ZNF730: variants seen among roughly 807,000 people sequenced by gnomAD.
ZNF730 encodes the protein zinc finger protein 730, also known as putative zinc finger protein 730.
In ZNF730, 12 loss-of-function variants were observed where a neutral mutation model predicts 12.6. That is an observed-to-expected ratio of 0.95 (90% CI 0.61 to 1.54). The LOEUF (loss-of-function observed/expected upper bound fraction) is 1.54, where lower values mean the gene tolerates loss of function less well. ZNF730 is among the 40% of genes most tolerant of loss of function. ZNF730 has a pLI of 0.00. For synonymous variants in ZNF730, 194 were observed against 195.8 expected, an observed-to-expected ratio of 0.99 and a Z score of 0.08; for missense variants, 643 against 583.5, an observed-to-expected ratio of 1.10 and a Z score of -1.05.
chr19:23,093,684 C>T (rs1970196311), intron 1 of ZNF730, among the ~76,000 whole-genome samples: 1 of 152,172 alleles, frequency 6.6e-6, no homozygotes, highest in African/African-American at 2.4e-5. Flanking sequence ...CCAGAGGTAG[C>T]CGTCTTGGTC....
chr19:23,091,832 T>C (rs1261626971), intron 1 of ZNF730, among the ~76,000 whole-genome samples: 1 of 152,200 alleles, frequency 6.6e-6, no homozygotes, highest in African/African-American at 2.4e-5. Flanking sequence ...GATGAGACTT[T>C]GGACTGTGGA....
chr19:23,124,901 A>G (rs1970643024), intron 1 of ZNF730, among the ~76,000 whole-genome samples: 1 of 152,170 alleles, frequency 6.6e-6, no homozygotes. Context: ...TGGCTATGTC[A>G]CCACCCAAAT....
chr19:23,119,283 G>A (rs776282940), intron 1 of ZNF730, among the ~76,000 whole-genome samples: 38 of 152,244 alleles, frequency 2.5e-4, no homozygotes, highest in South Asian at 1.2e-3. Flanking sequence ...TTTCTGTATC[G>A]AAATAATTTT....
rs538633359 is a variant in ZNF730, at chr19:23,135,978, C to T, written c.161C>T (p.Thr54Ile). 4 of 1,609,610 alleles carry T rather than the reference C, an allele frequency of 2.5e-6. No individual in the cohort carries two copies. In the South Asian group the frequency reaches 4.4e-5, roughly 18 times the overall value. The change falls in exon 3 of 4, where the codon ACC (threonine) becomes ATC (isoleucine). Residue 54 changes from threonine (T) to isoleucine (I), a missense_variant. Physicochemically the swap from Thr to Ile is moderately conservative, Grantham distance 89. Transcript: ENST00000597761. ...GIAVSKPDLI[T>I]CLEQEKEPWN... Reference sequence around the variant, plus strand: ...GCTGTCTCAAAGCCAGACCTGATCACCTGTCTGGAGCAAGAAAAAGAGCCT... The same window carrying T: ...GCTGTCTCAAAGCCAGACCTGATCATCTGTCTGGAGCAAGAAAAAGAGCCT...
Position 23,145,389 on chromosome 19 carries a change from AG to A in ZNF730, c.347del (p.Gly116AlafsTer22), listed in dbSNP as rs759759773. 6 of 1,590,768 alleles carry A rather than the reference AG, an allele frequency of 3.8e-6. No homozygotes were observed. The Admixed American group carries it at 1.1e-4, about 28-fold the overall frequency. On this transcript the variant is annotated frameshift_variant, in exon 4 of 4. Transcript: ENST00000597761. LOFTEE classifies it low-confidence loss of function (END_TRUNC). Reference sequence around the variant, plus strand: ...GACATGAGAATTTACTGTTAAGAAAAGGCTGTAAAAATGTGGATGAGTTTAA... The same window carrying A: ...GACATGAGAATTTACTGTTAAGAAAAGCTGTAAAAATGTGGATGAGTTTAA... ...CRHENLLLRKGCKNVDEFKMH... is the reference protein window; with the variant it reads ...CRHENLLLRKXCKNVDEFKMH...
At chr19:23,123,965 T>TA (rs997508859) in intron 1 of ZNF730, 4 of 152,126 alleles carry the variant, frequency 2.6e-5, no homozygotes, top group Non-Finnish European at 4.4e-5. Flanking sequence ...CTTTTTTTTT[T>TA]ATGTCACCCT....
rs774659037 is a variant in ZNF730 at position 23,145,441 on chromosome 19, C to T, written c.397C>T (p.His133Tyr). The change falls in exon 4 of 4, where the codon CAT (histidine) becomes TAT (tyrosine). Residue 133 changes from histidine (H) to tyrosine (Y), a missense_variant. Physicochemically the swap from His to Tyr is moderately conservative, Grantham distance 83. Coordinates refer to ENST00000597761, the MANE Select transcript of ZNF730 (RefSeq NM_001277403.2). ...GATGCACAAAAAAGGTTATAATAGA[C>T]ATAACCAGTGTTTGACAACTTCCCA... Reference protein sequence around the residue: ...FKMHKKGYNRHNQCLTTSHSK... With the variant: ...FKMHKKGYNRYNQCLTTSHSK... 22 of 1,577,556 alleles carry T rather than the reference C, an allele frequency of 1.4e-5. No individual in the cohort carries two copies. Among genetic ancestry groups the T allele is most frequent in the African/African-American group, 2.7e-5 (2 of 73,620 alleles).
intron 1 of ZNF730, among the ~76,000 whole-genome samples, chr19:23,131,104 T>C (rs1970738071): frequency 6.6e-6 from 1 of 152,204 alleles, no homozygotes; most frequent in African/African-American, 2.4e-5. Context: ...GCAACTTGTT[T>C]TCCATTCCTG....
chr19:23,134,579 C>T (rs1436884491), intron 2 of ZNF730, among the ~76,000 whole-genome samples: 3 of 114,316 alleles, frequency 2.6e-5, no homozygotes, highest in Admixed American at 8.8e-5. Context: ...CCTGGCCAGC[C>T]GCCCCGTCCT....
At chr19:23,105,186 CG>C (rs2145552944) in intron 1 of ZNF730, among the ~76,000 whole-genome samples, 1 of 150,218 alleles carries the variant, frequency 6.7e-6, no homozygotes, top group South Asian at 2.1e-4. Context: ...GGCACAATCT[CG>C]GCTCACTGCA....
Position 23,142,511 on chromosome 19 carries a change from A to G in ZNF730, c.227-2760A>G, listed in dbSNP as rs554785114. Among the ~76,000 whole-genome samples, 14 of 151,762 alleles carry G rather than the reference A, an allele frequency of 9.2e-5. No homozygotes were observed. The South Asian group carries it at 2.9e-3, about 32-fold the overall frequency. ...ATCCTGGCTAACACGGAGAAATCCC[A>G]TCTCTACTAAAAATACAAAAACAAA... On this transcript the variant is annotated intron_variant, in intron 3 of 3. Coordinates refer to ENST00000597761, the MANE Select transcript of ZNF730 (RefSeq NM_001277403.2).
intron 1 of ZNF730, 82 bp downstream of exon 1, chr19:23,117,258 C>T: frequency 6.2e-7 from 1 of 1,607,066 alleles, no homozygotes; most frequent in African/African-American, 1.3e-5. Context: ...GGGACCCAGG[C>T]CTCCCCGCAG....
Position 23,134,054 on chromosome 19 carries a change from TA to T in ZNF730, c.4-25del, listed in dbSNP as rs1422771639. The T allele has an allele frequency of 4.5e-5, 72 of 1,611,106 alleles. No homozygotes were observed. The African/African-American group carries it at 7.3e-4, about 16-fold the overall frequency. The stretch of plus-strand genomic sequence containing the variant: ...ATTCTGCCCAGGGGCACTTGGTAAA[TA>T]TGTGTGTTTGTTTGTGTTTTTCAGG... On this transcript the variant is annotated intron_variant, in intron 1 of 3. Coordinates refer to ENST00000597761, the MANE Select transcript of ZNF730 (RefSeq NM_001277403.2).
chr19:23,114,449 G>A (rs993976724), upstream of ZNF730, among the ~76,000 whole-genome samples: 1 of 149,788 alleles, frequency 6.7e-6, no homozygotes, highest in African/African-American at 2.4e-5. Flanking sequence ...TGGGAATACA[G>A]GCGCCCGCCA....
At chr19:23,126,976 C>T (rs972922353) in intron 1 of ZNF730, 7 of 506,816 alleles carry the variant, frequency 1.4e-5, no homozygotes, top group Non-Finnish European at 2.7e-5. Context: ...CTTGTTTTAT[C>T]AAACATTTCT....
At chr19:23,083,419 A>G (rs1226719951) in intron 1 of ZNF730, among the ~76,000 whole-genome samples, 1 of 152,172 alleles carries the variant, frequency 6.6e-6, no homozygotes, top group East Asian at 1.9e-4. Flanking sequence ...GCGAGACTCC[A>G]TCTCAAAGAA....
chr19:23,081,027 G>T (rs750355553), intron 1 of ZNF730, among the ~76,000 whole-genome samples: 1 of 150,580 alleles, frequency 6.6e-6, no homozygotes, highest in African/African-American at 2.4e-5. Context: ...TGAATTTTTC[G>T]TAGATACAGT....
chr19:23,106,349 A>G (rs879324522), intron 1 of ZNF730, among the ~76,000 whole-genome samples: 1 of 152,208 alleles, frequency 6.6e-6, no homozygotes, highest in Admixed American at 6.5e-5. Flanking sequence ...AAATCTTATG[A>G]AACTGAACAT....
At chr19:23,078,545 C>A (rs1969907534) in intron 1 of ZNF730, among the ~76,000 whole-genome samples, 1 of 152,110 alleles carries the variant, frequency 6.6e-6, no homozygotes, top group Admixed American at 6.6e-5. Context: ...ACCCTATTGT[C>A]CTGGAACATC....
Sources: gnomAD v4.1 joint callset for allele counts (sites outside exome capture counted in the v4.1 genomes callset) on GRCh38, gnomAD v4.1.1 for gene constraint, MANE v1.5 for transcripts, NCBI Gene and HGNC (gene_info 2026-07-23, HGNC 2026-07-21) for gene names.